LRRTM4: variants seen among roughly 807,000 people sequenced by gnomAD.
The protein encoded by LRRTM4 is leucine-rich repeat transmembrane neuronal protein 4.
A neutral mutation model predicts 47.6 loss-of-function variants in LRRTM4; 25 were observed. The observed-to-expected ratio is 0.53, with a 90% CI of 0.38 to 0.73. LRRTM4 has a LOEUF of 0.73. Among genes scored for constraint, LRRTM4 ranks in the 30% least tolerant of loss-of-function variants. The probability of loss-of-function intolerance (pLI) is 0.00; values close to 1 mark genes in which losing one functional copy is unlikely to be tolerated. For synonymous variants in LRRTM4, 311 were observed against 269.5 expected (o/e 1.15, Z -1.51); for missense variants, 638 against 713.4 (o/e 0.89, Z 1.20).
At chr2:76,796,018 ACG>A (rs1675293112) in intron 3 of LRRTM4, among the ~76,000 whole-genome samples, 1 of 133,652 alleles carries the variant, frequency 7.5e-6, no homozygotes, top group African/African-American at 3.2e-5. Context: ...GCAAGGGGTC[ACG>A]GAGTTCCCTT....
intron 3 of LRRTM4, among the ~76,000 whole-genome samples, chr2:77,377,100 G>C (rs183852311): frequency 2.6e-5 from 4 of 151,992 alleles, no homozygotes; most frequent in Non-Finnish European, 5.9e-5. Flanking sequence ...GCTAGTGAAA[G>C]TCAATTTACG....
At chr2:77,061,276 T>C (rs950699209) in intron 3 of LRRTM4, among the ~76,000 whole-genome samples, 1 of 152,140 alleles carries the variant, frequency 6.6e-6, no homozygotes, top group African/African-American at 2.4e-5. Flanking sequence ...ATCTTGAAAA[T>C]AAGTTTATAT....
chr2:77,368,020 CTG>C (rs1224298000), intron 3 of LRRTM4, among the ~76,000 whole-genome samples: 1 of 151,526 alleles, frequency 6.6e-6, no homozygotes, highest in African/African-American at 2.4e-5. Flanking sequence ...GTTCTATAAT[CTG>C]TGTTTTAATA....
At chr2:76,917,601 A>G (rs114479104) in intron 3 of LRRTM4, among the ~76,000 whole-genome samples, 1,695 of 152,258 alleles carry the variant, frequency 0.011, 35 homozygotes, top group African/African-American at 0.039. Context: ...AATCAAGATG[A>G]TAAAATTAAG....
At chr2:77,384,693 T>C (rs775938086) in intron 3 of LRRTM4, among the ~76,000 whole-genome samples, 1 of 152,214 alleles carries the variant, frequency 6.6e-6, no homozygotes, top group African/African-American at 2.4e-5. Flanking sequence ...TATCTCTTTG[T>C]ATCTCTCTCT....
At chr2:77,497,136 G>A (rs10177313) in intron 3 of LRRTM4, among the ~76,000 whole-genome samples, 50,088 of 151,400 alleles carry the variant, frequency 0.33, 8,460 homozygotes, top group Non-Finnish European at 0.35. Context: ...AGGATTTGTG[G>A]TGATCTTACC....
intron 3 of LRRTM4, among the ~76,000 whole-genome samples, chr2:77,331,752 T>C (rs1376552810): frequency 6.6e-6 from 1 of 152,184 alleles, no homozygotes; most frequent in South Asian, 2.1e-4. Flanking sequence ...CATCTCATGA[T>C]TACTTCTATT....
Position 77,428,831 on chromosome 2 carries a change from A to G in LRRTM4, c.1551+89487T>C, listed in dbSNP as rs1675232506. 2.6e-5 allele frequency among the ~76,000 whole-genome samples: 4 copies of G among 152,354 alleles called. No homozygotes were observed. In the South Asian group the frequency reaches 8.3e-4, roughly 32 times the overall value. On this transcript the variant is annotated intron_variant, in intron 3 of 3. Transcript: ENST00000409884. ...AAGTTTAATTGCCTTGTGATTAAGT[A>G]GAATCCTTTTAATGTCTGAATTCAT...
At chr2:77,473,179 C>T (rs1049288822) in intron 3 of LRRTM4, among the ~76,000 whole-genome samples, 3 of 152,018 alleles carry the variant, frequency 2.0e-5, no homozygotes, top group African/African-American at 7.2e-5. Context: ...CCTGGATTGT[C>T]TGAGTAATCA....
chr2:76,974,223 C>T (rs931671929), intron 3 of LRRTM4, among the ~76,000 whole-genome samples: 16 of 115,982 alleles, frequency 1.4e-4, no homozygotes, highest in African/African-American at 3.4e-4. Context: ...CATATATATA[C>T]ATACATATAT....
At chr2:77,168,241 A>G (rs1373246207) in intron 3 of LRRTM4, among the ~76,000 whole-genome samples, 4 of 152,150 alleles carry the variant, frequency 2.6e-5, no homozygotes, top group Admixed American at 1.3e-4. Context: ...TACAAATGTC[A>G]TATTTTTCCT....
chr2:76,920,590 G>T (rs1389936423), intron 3 of LRRTM4, among the ~76,000 whole-genome samples: 3 of 152,070 alleles, frequency 2.0e-5, no homozygotes, highest in Non-Finnish European at 4.4e-5. Flanking sequence ...TTGTCAACTT[G>T]ATTTATTTGT....
At chr2:77,385,689 C>T (rs1228643370) in intron 3 of LRRTM4, among the ~76,000 whole-genome samples, 3 of 144,912 alleles carry the variant, frequency 2.1e-5, no homozygotes, top group African/African-American at 5.1e-5. Flanking sequence ...TTTGTTTTCT[C>T]TTCTTTTTCT....
chr2:77,187,342 T>C (rs1308496827), intron 3 of LRRTM4, among the ~76,000 whole-genome samples: 1 of 151,992 alleles, frequency 6.6e-6, no homozygotes, highest in Non-Finnish European at 1.5e-5. Flanking sequence ...GGTTTTCTCC[T>C]GAGAACACTT....
chr2:77,114,431 G>A (rs1351947167), intron 3 of LRRTM4, among the ~76,000 whole-genome samples: 3 of 152,114 alleles, frequency 2.0e-5, no homozygotes, highest in Admixed American at 6.5e-5. Flanking sequence ...CCTGTGACCC[G>A]TAGTTAACCC....
In LRRTM4 at chr2:76,985,625, A is replaced by C. The variant is rs150975959; in HGVS notation, c.1552-236709T>G. On this transcript the variant is annotated intron_variant, in intron 3 of 3. Coordinates refer to ENST00000409884, the MANE Select transcript of LRRTM4 (RefSeq NM_001134745.3). The stretch of plus-strand genomic sequence containing the variant: ...TCTGTTATGTCAAATGTCTTGCCGC[A>C]TGATTTGAAGTTTTTGTTAAGGAAT... Among the ~76,000 whole-genome samples the C allele has an allele frequency of 1.7e-3, 258 of 152,106 alleles. 2 individuals are homozygous for C. The highest frequency in any genetic ancestry group is 4.3e-3 in the Admixed American group (65 of 15,204).
intron 3 of LRRTM4, among the ~76,000 whole-genome samples, chr2:76,885,326 C>A (rs1046642301): frequency 2.0e-5 from 3 of 151,806 alleles, no homozygotes; most frequent in African/African-American, 4.8e-5. Context: ...AGACTGGGAC[C>A]CTATCTTACT....
intron 3 of LRRTM4, among the ~76,000 whole-genome samples, chr2:77,360,289 C>T (rs1297144200): frequency 6.6e-6 from 1 of 151,938 alleles, no homozygotes; most frequent in Non-Finnish European, 1.5e-5. Context: ...AACCCCGTAT[C>T]TACTAAAAAT....
At chr2:77,257,194 T>G (rs535557862) in intron 3 of LRRTM4, among the ~76,000 whole-genome samples, 2 of 152,114 alleles carry the variant, frequency 1.3e-5, no homozygotes, top group South Asian at 4.1e-4. Context: ...AACGTCATAG[T>G]TAATGGTGAA....
Sources: gnomAD v4.1 joint callset for allele counts (sites outside exome capture counted in the v4.1 genomes callset) on GRCh38, gnomAD v4.1.1 for gene constraint, MANE v1.5 for transcripts, NCBI Gene and HGNC (gene_info 2026-07-23, HGNC 2026-07-21) for gene names.